AKT1S1: variants seen among roughly 807,000 people sequenced by gnomAD.
AKT1S1 encodes the protein proline-rich AKT1 substrate 1.
A neutral mutation model predicts 21.2 loss-of-function variants in AKT1S1; 17 were observed. The ratio of observed to expected loss-of-function variants is 0.80; its 90% CI spans 0.55 to 1.20. The LOEUF (loss-of-function observed/expected upper bound fraction) is 1.20. Ranked by LOEUF, AKT1S1 falls within the 50% of genes most tolerant of loss-of-function variation. The pLI is 0.00. For missense variants in AKT1S1, 366 were observed against 368.3 expected (o/e 0.99, Z 0.05); for synonymous variants, 181 against 165.6 (o/e 1.09, Z -0.72).
chr19:49,873,101 G>A lies in AKT1S1; in HGVS notation c.195C>T (p.Ile65=), dbSNP rs747951102. Residue 65 remains isoleucine, a synonymous_variant, in exon 2 of 5, where the codon ATC becomes ATT. Coordinates refer to ENST00000344175, the MANE Select transcript of AKT1S1 (RefSeq NM_001098633.4). This position sits in a 1 kb window ranked among gnomAD's most constrained non-coding sequence, Gnocchi z 6.9. The stretch of plus-strand genomic sequence containing the variant: ...CAGTGGCAGCCCTGTGGGCCAGTGC[G>A]ATGTCGTGGAGGCAACGGCGCGCTG... ...AEAARRCLHD[I]ALAHRAATAA... is the part of the protein sequence containing the mutation. The A allele has an allele frequency of 5.8e-6, 9 of 1,547,846 alleles. No individual in the cohort carries two copies. Among genetic ancestry groups the A allele is most frequent in the East Asian group, 2.4e-5 (1 of 41,298 alleles).
rs1193016856 is a variant in AKT1S1, at chr19:49,871,965, G to A, written c.380-76C>T. 30 of 1,463,652 alleles carry A rather than the reference G, an allele frequency of 2.0e-5. 1 individual carries two copies. In the South Asian group the frequency reaches 2.4e-4, roughly 12 times the overall value. The allele number at this position is 1,463,652 out of a possible 1,614,324, so 90.7% of individuals were successfully genotyped here. A position where few individuals can be genotyped will look rare whatever the true frequency, so the allele number is the denominator to read the frequency against. ...TCCATGTGTCCTCCTCCTCAGCCAC[G>A]GCCACTGCCACAGCCACCACCTCCA... On this transcript the variant is annotated intron_variant, in intron 2 of 4. Coordinates refer to ENST00000344175, the MANE Select transcript of AKT1S1 (RefSeq NM_001098633.4).
At position 49,869,125 on chromosome 19, in the gene AKT1S1, G is replaced by A. The variant is rs1323197699; in HGVS notation, c.*792C>T. 5 of 152,598 alleles carry A rather than the reference G, an allele frequency of 3.3e-5. No individual in the cohort carries two copies. In the East Asian group the frequency reaches 9.6e-4, roughly 29 times the overall value. 9.5% of individuals were successfully genotyped at this position (152,598 alleles called of 1,614,324 possible). A position where few individuals can be genotyped will look rare whatever the true frequency, so the allele number is the denominator to read the frequency against. On this transcript the variant is annotated 3_prime_UTR_variant, in exon 5 of 5. Transcript: ENST00000344175. ...CCCCTCACTCTCTCCCCCACACCAG[G>A]GCCGGAGAGTGAGGGCCCCTGCCCC...
intron 1 of AKT1S1, chr19:49,876,014 CGATGT>C: frequency 1.0e-6 from 1 of 985,348 alleles, no homozygotes; most frequent in South Asian, 4.7e-5. Flanking sequence ...AGGGGGAGCA[CGATGT>C]GGCTGTCCTC....
At chr19:49,876,508 C>T in intron 1 of AKT1S1, 1 of 1,425,636 alleles carries the variant, frequency 7.0e-7, no homozygotes, top group South Asian at 1.5e-5. Context: ...GCAGGCCATA[C>T]CCCTCCCGTG....
upstream of AKT1S1, chr19:49,877,578 T>G (rs2074964569): frequency 1.3e-6 from 1 of 787,766 alleles, no homozygotes; most frequent in Admixed American, 3.1e-5. Context: ...AACCCCCTTC[T>G]GAAAAATGGT....
rs762590238 is a variant in AKT1S1, at chr19:49,872,936, C to T, written c.360G>A (p.Leu120=). ...PTETETSGEQ[L]GISDNGGLFV... is the part of the protein sequence containing the mutation. ...TCTCACCTCCATTATCACTAATGCC[C>T]AGCTGCTCCCCGGAGGTCTCTGTCT... The change falls in exon 2 of 5, where the codon CTG becomes CTA. Residue 120 remains leucine (L), a synonymous_variant. Transcript: ENST00000344175. 2 of 1,602,158 alleles carry T rather than the reference C, an allele frequency of 1.2e-6. No individual in the cohort carries two copies. The highest frequency in any genetic ancestry group is 1.3e-5 in the African/African-American group (1 of 74,830).
Position 49,872,902 on chromosome 19 carries a change from C to A in AKT1S1, c.379+15G>T. On this transcript the variant is annotated intron_variant, in intron 2 of 4. Coordinates refer to ENST00000344175, the MANE Select transcript of AKT1S1 (RefSeq NM_001098633.4). ...AAGCGCTGGGCCGCACCCGCCCCTG[C>A]CCCCACCCTCTCACCTCCATTATCA... 3.2e-6 allele frequency: 5 copies of A among 1,576,152 alleles called. 1 individual carries two copies. The African/African-American group carries it at 5.4e-5, about 17-fold the overall frequency.
chr19:49,877,034 T>G, intron 1 of AKT1S1: 1 of 221,852 alleles, frequency 4.5e-6, no homozygotes, highest in Non-Finnish European at 8.8e-6. Context: ...CCTGCTCCCA[T>G]TCGGCACGAA....
intron 2 of AKT1S1, among the ~76,000 whole-genome samples, chr19:49,872,380 C>T (rs1027071550): frequency 2.0e-5 from 3 of 152,164 alleles, no homozygotes; most frequent in Admixed American, 6.5e-5. Flanking sequence ...CAAACAAGGA[C>T]CTCCTAGTGA....
At position 49,870,067 on chromosome 19, in the gene AKT1S1, G is replaced by T. The variant is rs756394126; in HGVS notation, c.628-7C>A. 2.6e-6 allele frequency: 4 copies of T among 1,518,048 alleles called. No individual in the cohort carries two copies. Among genetic ancestry groups the T allele is most frequent in the Non-Finnish European group, 3.5e-6 (4 of 1,129,172 alleles). 94.0% of individuals were successfully genotyped at this position (1,518,048 alleles called of 1,614,324 possible). ...CCAGGTCGGGCGAAGAGGGCTGCGGGGACGGCGACGGGGCGAGGTCAGCGC... is the reference window on the plus strand; with the variant it reads ...CCAGGTCGGGCGAAGAGGGCTGCGGTGACGGCGACGGGGCGAGGTCAGCGC... On this transcript the variant is annotated splice_region_variant and splice_polypyrimidine_tract_variant and intron_variant, in intron 4 of 4. Coordinates refer to ENST00000344175, the MANE Select transcript of AKT1S1 (RefSeq NM_001098633.4).
chr19:49,872,987 G>T lies in AKT1S1; in HGVS notation c.309C>A (p.Asn103Lys). The change falls in exon 2 of 5, where the codon AAC (asparagine) becomes AAA (lysine). Residue 103 changes from asparagine to lysine, a missense_variant. Transcript: ENST00000344175. ...CTGTGGGCTCATCCTCGTCCTCCTC[G>T]TTGTCCTCTCTGGCCAGGGTAGGCC... is the stretch of plus-strand genomic sequence containing the variant. Reference protein sequence around the residue: ...PPRPTLAREDNEEDEDEPTET... With the variant: ...PPRPTLAREDKEEDEDEPTET... 6.3e-7 allele frequency: 1 copy of T among 1,595,920 alleles called. No homozygotes were observed. Among genetic ancestry groups the T allele is most frequent in the Non-Finnish European group, 8.5e-7 (1 of 1,172,542 alleles).
chr19:49,878,124 C>T, upstream of AKT1S1: 5 of 1,561,820 alleles, frequency 3.2e-6, no homozygotes, highest in Non-Finnish European at 4.3e-6. Flanking sequence ...CCAGCCCTCG[C>T]TGGTTCCCCC....
intron 2 of AKT1S1, 118 bp from the exon 3 acceptor site, chr19:49,872,007 G>A: frequency 9.0e-7 from 1 of 1,108,138 alleles, no homozygotes; most frequent in Non-Finnish European, 1.3e-6. Context: ...TGAAGCTTCT[G>A]AGACCCATTT....
chr19:49,870,923 G>A (rs1466153586), intron 4 of AKT1S1, among the ~76,000 whole-genome samples: 3 of 152,194 alleles, frequency 2.0e-5, no homozygotes, highest in Non-Finnish European at 4.4e-5. Flanking sequence ...TGCATATAAG[G>A]ACACTGAGGC....
chr19:49,876,145 T>C, intron 1 of AKT1S1: 1 of 995,512 alleles, frequency 1.0e-6, no homozygotes, highest in Non-Finnish European at 1.2e-6. Context: ...ATGAACGCGG[T>C]AGCCATGGGG....
In AKT1S1 at chr19:49,873,354, C is replaced by A; in HGVS notation, c.-7-52G>T. The A allele has an allele frequency of 7.2e-7, 1 of 1,395,360 alleles. No individual in the cohort carries two copies. Among genetic ancestry groups the A allele is most frequent in the South Asian group, 1.5e-5 (1 of 65,000 alleles). The allele number at this position is 1,395,360 out of a possible 1,614,324, so 86.4% of individuals were successfully genotyped here. ...GCTGAGGCTTGGCGGCCTACATCAT[C>A]GCCACCCACTCAGAGTGCCCGCCCG... On this transcript the variant is annotated intron_variant, in intron 1 of 4. Transcript: ENST00000344175. This position sits in a 1 kb window ranked among gnomAD's most constrained non-coding sequence, Gnocchi z 6.9.
At chr19:49,878,340 AGTG>A (rs1367170847), upstream of AKT1S1, 2 of 1,277,206 alleles carry the variant, frequency 1.6e-6, no homozygotes, top group Non-Finnish European at 2.2e-6. Context: ...GGCGGTCAGC[AGTG>A]GGACCTGAAG....
intron 4 of AKT1S1, 130 bp downstream of exon 4, chr19:49,871,417 T>C: frequency 7.8e-7 from 1 of 1,280,086 alleles, no homozygotes; most frequent in Non-Finnish European, 1.1e-6. Context: ...AGAACTCGCC[T>C]CTTGAGGTTG....
intron 1 of AKT1S1, chr19:49,876,083 C>T (rs1234436511): frequency 8.1e-6 from 8 of 986,108 alleles, no homozygotes; most frequent in Middle Eastern, 5.2e-4. Flanking sequence ...TGGAACCACC[C>T]CTCCTGTCGA....
Sources: allele counts gnomAD v4.1 joint callset (sites outside exome capture counted in the v4.1 genomes callset), GRCh38; gene constraint gnomAD v4.1.1; non-coding constraint Gnocchi (gnomAD v3.1); transcripts MANE v1.5; gene names NCBI Gene and HGNC (gene_info 2026-07-23, HGNC 2026-07-21).